The following PSD3 variants were observed in gnomAD, a reference collection of about 807,000 sequenced individuals.
PSD3 encodes pleckstrin and Sec7 domain containing 3.
A neutral mutation model predicts 105.5 loss-of-function variants in PSD3; 49 were observed. That is an observed-to-expected ratio of 0.46 (90% confidence interval 0.37 to 0.59). The LOEUF (loss-of-function observed/expected upper bound fraction) is 0.59. PSD3 is among the 20% of genes least tolerant of loss of function. PSD3 has a pLI of 0.00. For synonymous variants in PSD3, 557 were observed against 457.8 expected (o/e 1.22, Z -2.77); for missense variants, 1,561 against 1,263.8 (o/e 1.24, Z -3.57).
chr8:18,937,664 T>C (rs779319626), intron 1 of PSD3, among the ~76,000 whole-genome samples: 27 of 152,204 alleles, frequency 1.8e-4, no homozygotes, highest in Non-Finnish European at 3.4e-4. Context: ...AGGTGCATAC[T>C]CCTCTTGGTG....
At chr8:18,956,691 T>C (rs1823593059) in intron 1 of PSD3, among the ~76,000 whole-genome samples, 2 of 152,326 alleles carry the variant, frequency 1.3e-5, no homozygotes, top group South Asian at 2.1e-4. Context: ...TTTTGGTAAA[T>C]ATAGCACACA....
At chr8:18,922,271 A>G (rs1283968763) in intron 2 of PSD3, among the ~76,000 whole-genome samples, 1 of 152,182 alleles carries the variant, frequency 6.6e-6, no homozygotes, top group Non-Finnish European at 1.5e-5. Context: ...GAGTTCTGTA[A>G]GTCAATAAAA....
intron 4 of PSD3, among the ~76,000 whole-genome samples, chr8:18,840,124 C>T (rs912096502): frequency 1.4e-4 from 21 of 152,108 alleles, no homozygotes; most frequent in African/African-American, 4.8e-4. Flanking sequence ...AAAATCACTC[C>T]ACAGTAAATC....
At chr8:19,030,471 T>A (rs1017504301) in intron 1 of PSD3, among the ~76,000 whole-genome samples, 1 of 152,074 alleles carries the variant, frequency 6.6e-6, no homozygotes, top group African/African-American at 2.4e-5. Context: ...CATGGCTTGG[T>A]GTTGTCTTTC....
chr8:18,952,191 T>G (rs1266202023), intron 1 of PSD3, among the ~76,000 whole-genome samples: 1 of 152,156 alleles, frequency 6.6e-6, no homozygotes, highest in Non-Finnish European at 1.5e-5. Context: ...GACGTCTACA[T>G]CCTACTCCTC....
At chr8:18,875,606 G>A (rs909687190) in intron 2 of PSD3, among the ~76,000 whole-genome samples, 4 of 151,516 alleles carry the variant, frequency 2.6e-5, no homozygotes, top group African/African-American at 7.3e-5. Context: ...GCGCGATCTC[G>A]GCTCACTGCA....
chr8:18,620,310 G>A lies in PSD3; in HGVS notation c.2410+12303C>T, dbSNP rs74423049. On this transcript the variant is annotated intron_variant, in intron 11 of 15. Transcript: ENST00000327040. ...AACCAAACTGTAACCTGACTGTCTC[G>A]GGACTACTTACTGAAGGGTTCTTGG... Among the ~76,000 whole-genome samples, 572 of 150,418 alleles carry A rather than the reference G, an allele frequency of 3.8e-3. 2 individuals are homozygous for A. The highest frequency in any genetic ancestry group is 0.013 in the African/African-American group (530 of 40,862).
intron 2 of PSD3, among the ~76,000 whole-genome samples, chr8:18,910,347 TG>T (rs1357395494): frequency 3.7e-5 from 5 of 134,650 alleles, no homozygotes; most frequent in African/African-American, 1.4e-4. Context: ...GGGACATGGA[TG>T]AAATTGGAAA....
At chr8:18,770,044 G>A (rs1807367218) in intron 8 of PSD3, among the ~76,000 whole-genome samples, 1 of 152,098 alleles carries the variant, frequency 6.6e-6, no homozygotes, top group South Asian at 2.1e-4. Flanking sequence ...TTCATTTAAG[G>A]AACTGCCAGA....
upstream of PSD3, among the ~76,000 whole-genome samples, chr8:19,015,225 C>T (rs903236416): frequency 4.6e-5 from 7 of 152,200 alleles, no homozygotes; most frequent in Non-Finnish European, 7.3e-5. Flanking sequence ...CACAAGCTCT[C>T]TCTTGGCCTA....
intron 1 of PSD3, among the ~76,000 whole-genome samples, chr8:19,058,505 C>T (rs1828783045): frequency 6.7e-6 from 1 of 148,424 alleles, no homozygotes; most frequent in South Asian, 2.1e-4. Context: ...AATTTATATA[C>T]ATTTATATTA....
chr8:18,822,223 G>A (rs1436569746), intron 4 of PSD3, among the ~76,000 whole-genome samples: 2 of 152,140 alleles, frequency 1.3e-5, no homozygotes, highest in African/African-American at 2.4e-5. Context: ...CTTTGGTTGA[G>A]AAGGGGCCAT....
chr8:19,001,614 T>G (rs1391824792), intron 1 of PSD3: 1 of 151,942 alleles, frequency 6.6e-6, no homozygotes, highest in East Asian at 1.9e-4. Flanking sequence ...GGCTAACAAG[T>G]GGAGATTTGT....
At chr8:18,598,625 TAC>T (rs753286899) in intron 12 of PSD3, among the ~76,000 whole-genome samples, 1 of 152,000 alleles carries the variant, frequency 6.6e-6, no homozygotes, top group African/African-American at 2.4e-5. Context: ...TCAAAACAGA[TAC>T]AGTTTCAAAT....
At chr8:18,833,829 A>AT (rs1813877156) in intron 4 of PSD3, among the ~76,000 whole-genome samples, 1 of 152,226 alleles carries the variant, frequency 6.6e-6, no homozygotes, top group Admixed American at 6.5e-5. Context: ...AATTACTTGC[A>AT]TATAACTGTT....
At chr8:18,777,293 G>A (rs868796769) in intron 8 of PSD3, among the ~76,000 whole-genome samples, 10 of 152,030 alleles carry the variant, frequency 6.6e-5, no homozygotes, top group Middle Eastern at 3.2e-3. Context: ...CACCCACCTC[G>A]GCCTCCCAAA....
At chr8:18,788,334 T>C (rs1809379168) in intron 8 of PSD3, among the ~76,000 whole-genome samples, 1 of 152,196 alleles carries the variant, frequency 6.6e-6, no homozygotes, top group Admixed American at 6.5e-5. Context: ...GAGAATTTCA[T>C]TCATATCAGG....
chr8:18,683,785 T>C, intron 9 of PSD3: 1 of 765,260 alleles, frequency 1.3e-6, no homozygotes, highest in South Asian at 1.3e-5. Flanking sequence ...TTGTTCTCCT[T>C]AGCAGAAAAC....
At chr8:18,757,879 C>T (rs80217485) in intron 9 of PSD3, among the ~76,000 whole-genome samples, 4,002 of 152,248 alleles carry the variant, frequency 0.026, 249 homozygotes, top group East Asian at 0.19. Context: ...GGTCATTACA[C>T]TGTACTCAGT....
Sources: allele counts gnomAD v4.1 joint callset (sites outside exome capture counted in the v4.1 genomes callset), GRCh38; gene constraint gnomAD v4.1.1; transcripts MANE v1.5; gene names NCBI Gene and HGNC (gene_info 2026-07-23, HGNC 2026-07-21).